Variants in PPP3CC observed in about 807,000 individuals in gnomAD.
PPP3CC encodes protein phosphatase 3 catalytic subunit gamma.
In PPP3CC, 35 loss-of-function variants were observed where a neutral mutation model predicts 60.3. The ratio of observed to expected loss-of-function variants is 0.58; its 90% confidence interval spans 0.44 to 0.77. The LOEUF is 0.77. Ranked by LOEUF, PPP3CC falls within the 30% of genes least tolerant of loss-of-function variation. The pLI, the probability that PPP3CC is intolerant of heterozygous loss-of-function variation, is 0.00. For synonymous variants in PPP3CC, 206 were observed against 224.3 expected, an observed-to-expected ratio of 0.92 and a Z score of 0.73; for missense variants, 570 against 628.9, an observed-to-expected ratio of 0.91 and a Z score of 1.00.
At chr8:22,531,138 TC>T (rs1322480173) in intron 10 of PPP3CC, among the ~76,000 whole-genome samples, 1 of 152,230 alleles carries the variant, frequency 6.6e-6, no homozygotes, top group African/African-American at 2.4e-5. Context: ...TAATGTTGTA[TC>T]ATGATTCCAA....
chr8:22,497,833 C>T (rs1838635675), intron 3 of PPP3CC, among the ~76,000 whole-genome samples, 168 bp from the exon 4 acceptor site: 1 of 152,114 alleles, frequency 6.6e-6, no homozygotes, highest in African/African-American at 2.4e-5. Context: ...TCTATGAAGG[C>T]TTGTCAAATT....
At chr8:22,512,780 T>G (rs997445764) in intron 5 of PPP3CC, among the ~76,000 whole-genome samples, 9 of 152,266 alleles carry the variant, frequency 5.9e-5, no homozygotes, top group Non-Finnish European at 1.3e-4. Flanking sequence ...GGGATGTTTA[T>G]AAAAATTTAT....
rs1004152197 is a variant in PPP3CC at position 22,504,176 on chromosome 8, G to A, written c.484+6064G>A. 2.0e-5 allele frequency among the ~76,000 whole-genome samples: 3 copies of A among 151,886 alleles called. No individual in the cohort carries two copies. The East Asian group carries it at 5.8e-4, about 29-fold the overall frequency. On this transcript the variant is annotated intron_variant, in intron 4 of 13. Transcript: ENST00000240139. Reference sequence around the variant, plus strand: ...TTTTTTAAATTGATGTATAATAGTTGTACGTATTTTTGAGGTACATGTGAT... The same window carrying A: ...TTTTTTAAATTGATGTATAATAGTTATACGTATTTTTGAGGTACATGTGAT...
chr8:22,498,255 T>G, intron 4 of PPP3CC, 143 bp downstream of exon 4: 1 of 508,384 alleles, frequency 2.0e-6, no homozygotes, highest in Non-Finnish European at 3.4e-6. Flanking sequence ...AGAACTAAGA[T>G]TCTATCTTCT....
chr8:22,529,928 C>G (rs1180809009), intron 10 of PPP3CC, among the ~76,000 whole-genome samples: 1 of 152,072 alleles, frequency 6.6e-6, no homozygotes, highest in Non-Finnish European at 1.5e-5. Context: ...TCTGACAATG[C>G]AAGAGATTCT....
chr8:22,444,404 C>T (rs748060351), intron 1 of PPP3CC, among the ~76,000 whole-genome samples: 1 of 152,098 alleles, frequency 6.6e-6, no homozygotes, highest in Non-Finnish European at 1.5e-5. Flanking sequence ...GGTAATAGAT[C>T]GCTTACTACA....
chr8:22,462,949 A>G (rs1586797836), intron 1 of PPP3CC, among the ~76,000 whole-genome samples: 1 of 152,196 alleles, frequency 6.6e-6, no homozygotes, highest in Admixed American at 6.5e-5. Context: ...CATATATCCC[A>G]TAATCTATTT....
chr8:22,514,248 CAAAAAAA>C (rs66505760), intron 6 of PPP3CC, among the ~76,000 whole-genome samples: 16 of 89,490 alleles, frequency 1.8e-4, no homozygotes, highest in African/African-American at 6.2e-4. Context: ...ACTCTGTCTC[CAAAAAAA>C]AAAAAAAAAA....
At chr8:22,535,932 A>G (rs1352695768) in intron 12 of PPP3CC, among the ~76,000 whole-genome samples, 2 of 152,036 alleles carry the variant, frequency 1.3e-5, no homozygotes, top group African/African-American at 4.8e-5. Flanking sequence ...GGGTTTCACC[A>G]TGTTGCCCAG....
chr8:22,538,695 C>A (rs998278994), intron 12 of PPP3CC, among the ~76,000 whole-genome samples: 1 of 152,116 alleles, frequency 6.6e-6, no homozygotes, highest in African/African-American at 2.4e-5. Flanking sequence ...AGGAAGTTTA[C>A]CTGTTGGTAC....
chr8:22,509,193 G>A (rs183776311), intron 4 of PPP3CC, among the ~76,000 whole-genome samples: 2 of 152,200 alleles, frequency 1.3e-5, no homozygotes, highest in Admixed American at 1.3e-4. Context: ...CACCCATATA[G>A]TACTGCAGTC....
intron 12 of PPP3CC, among the ~76,000 whole-genome samples, chr8:22,534,034 A>G (rs559816127): frequency 6.6e-6 from 1 of 151,814 alleles, no homozygotes; most frequent in African/African-American, 2.4e-5. Flanking sequence ...CCCCACCTCT[A>G]CTAAAAATAC....
chr8:22,536,737 C>T lies in PPP3CC; in HGVS notation c.1322-2732C>T, dbSNP rs540394973. 3.9e-5 allele frequency among the ~76,000 whole-genome samples: 6 copies of T among 152,266 alleles called. No individual in the cohort carries two copies. In the South Asian group the frequency reaches 1.2e-3, roughly 32 times the overall value. On this transcript the variant is annotated intron_variant, in intron 12 of 13. Coordinates refer to ENST00000240139, the MANE Select transcript of PPP3CC (RefSeq NM_005605.5). ...TTTCACATTGGAGTCTCAGTTCCACCAGCTCATTGGCTAACTGGAGCATTA... is the reference window on the plus strand; with the variant it reads ...TTTCACATTGGAGTCTCAGTTCCACTAGCTCATTGGCTAACTGGAGCATTA...
intron 1 of PPP3CC, among the ~76,000 whole-genome samples, chr8:22,455,057 A>C (rs1462712547): frequency 2.1e-4 from 8 of 37,456 alleles, no homozygotes; most frequent in African/African-American, 9.6e-4. Flanking sequence ...CTCCATCTCA[A>C]AAAAAAAAAA....
intron 1 of PPP3CC, among the ~76,000 whole-genome samples, chr8:22,456,292 C>T (rs2132438960): frequency 6.6e-6 from 1 of 152,184 alleles, no homozygotes; most frequent in South Asian, 2.1e-4. Flanking sequence ...TTGTGTTTAC[C>T]TGAAAATACA....
At chr8:22,486,082 G>C (rs1168562387) in intron 3 of PPP3CC, among the ~76,000 whole-genome samples, 2 of 152,046 alleles carry the variant, frequency 1.3e-5, no homozygotes, top group Admixed American at 6.6e-5. Context: ...TTTTAGTTGG[G>C]TATGACAGGA....
intron 1 of PPP3CC, among the ~76,000 whole-genome samples, chr8:22,447,376 G>T (rs1836861287): frequency 6.6e-6 from 1 of 151,746 alleles, no homozygotes; most frequent in African/African-American, 2.4e-5. Flanking sequence ...TAGAGACGGG[G>T]TTTCACTGTG....
intron 3 of PPP3CC, among the ~76,000 whole-genome samples, chr8:22,488,408 T>C (rs1036789124): frequency 6.6e-6 from 1 of 152,254 alleles, no homozygotes; most frequent in African/African-American, 2.4e-5. Context: ...ACCTATGCTT[T>C]AGATGCACTC....
At chr8:22,522,213 A>G (rs1216445472) in intron 6 of PPP3CC, among the ~76,000 whole-genome samples, 6 of 152,012 alleles carry the variant, frequency 3.9e-5, no homozygotes, top group Admixed American at 3.9e-4. Flanking sequence ...TTGGTGTTGT[A>G]TTGTTATGGA....
Sources: gnomAD v4.1 joint callset for allele counts (sites outside exome capture counted in the v4.1 genomes callset) on GRCh38, gnomAD v4.1.1 for gene constraint, MANE v1.5 for transcripts, NCBI Gene and HGNC (gene_info 2026-07-23, HGNC 2026-07-21) for gene names.